Variants in TMOD2 observed in about 807,000 individuals in gnomAD.
TMOD2 encodes the protein tropomodulin 2, also known as tropomodulin-2.
A neutral mutation model predicts 39.9 loss-of-function variants in TMOD2; 22 were observed. The observed-to-expected ratio is 0.55, with a 90% CI of 0.39 to 0.79. TMOD2 has a LOEUF of 0.79. Ranked by LOEUF, TMOD2 falls within the 30% of genes least tolerant of loss-of-function variation. The probability of loss-of-function intolerance (pLI) is 0.00; values close to 1 mark genes in which losing one functional copy is unlikely to be tolerated. For missense variants in TMOD2, 386 were observed against 413.3 expected, an observed-to-expected ratio of 0.93 and a Z score of 0.57; for synonymous variants, 123 against 146.1, an observed-to-expected ratio of 0.84 and a Z score of 1.14.
At chr15:51,789,089 A>G (rs1014085446) in intron 7 of TMOD2, among the ~76,000 whole-genome samples, 2 of 152,238 alleles carry the variant, frequency 1.3e-5, no homozygotes, top group East Asian at 1.9e-4. Flanking sequence ...GTCAAGACCC[A>G]TCAGTGTGCT....
chr15:51,752,935 G>C (rs2055717088), intron 1 of TMOD2: 1 of 152,170 alleles, frequency 6.6e-6, no homozygotes, highest in Admixed American at 6.5e-5. Context: ...AAAATGATGG[G>C]GTTTGTTTTT....
chr15:51,768,402 C>A lies in TMOD2; in HGVS notation c.267C>A (p.Phe89Leu), dbSNP rs1467522960. Residue 89 changes from phenylalanine (F) to leucine (L), a missense_variant, in exon 3 of 10, where the codon TTC becomes TTA. Phe to Leu is a conservative substitution (Grantham distance 22, BLOSUM62 0). Transcript: ENST00000249700. ...EQKDREDFVP[F>L]TGEKKGRVFI... ...AAGACAGAGAGGACTTTGTGCCCTT[C>A]ACTGGAGAAAAGAAAGGTAAGGACC... The A allele has an allele frequency of 5.0e-6, 8 of 1,613,510 alleles. No individual in the cohort carries two copies. The South Asian group carries it at 8.8e-5, about 18-fold the overall frequency.
At chr15:51,803,933 A>C (rs932715322) in intron 8 of TMOD2, among the ~76,000 whole-genome samples, 2 of 152,274 alleles carry the variant, frequency 1.3e-5, no homozygotes, top group African/African-American at 4.8e-5. Context: ...ATTTTCACCA[A>C]CTGTATAGAC....
At chr15:51,773,092 C>T (rs761819248) in intron 3 of TMOD2, among the ~76,000 whole-genome samples, 6 of 152,166 alleles carry the variant, frequency 3.9e-5, no homozygotes, top group Non-Finnish European at 7.4e-5. Flanking sequence ...CCCAAGCCCA[C>T]ATATCCAAGC....
chr15:51,792,096 A>C (rs1262788800), intron 7 of TMOD2, among the ~76,000 whole-genome samples: 3 of 152,174 alleles, frequency 2.0e-5, no homozygotes, highest in Admixed American at 6.5e-5. Context: ...GGGAGAAAAA[A>C]ATTTGCAATC....
At chr15:51,807,221 A>G (rs2056126917) in intron 9 of TMOD2, among the ~76,000 whole-genome samples, 1 of 152,216 alleles carries the variant, frequency 6.6e-6, no homozygotes, top group African/African-American at 2.4e-5. Context: ...GCAGGCTTCA[A>G]TCCCCAGTTT....
At chr15:51,751,934 G>A (rs978269821) in intron 1 of TMOD2, among the ~76,000 whole-genome samples, 2 of 150,410 alleles carry the variant, frequency 1.3e-5, no homozygotes, top group African/African-American at 4.9e-5. Flanking sequence ...CCGGGCGGGA[G>A]GCGCCCGCCG....
At position 51,808,815 on chromosome 15, in the gene TMOD2, A is replaced by G. The variant is rs1422283448; in HGVS notation, c.*361A>G. 1 of 184,508 alleles carries G rather than the reference A, an allele frequency of 5.4e-6. No homozygotes were observed. The highest frequency in any genetic ancestry group is 2.4e-5 in the African/African-American group (1 of 42,364). The allele number at this position is 184,508 out of a possible 1,614,324, so 11.4% of individuals were successfully genotyped here. A position where few individuals can be genotyped will look rare whatever the true frequency, so the allele number is the denominator to read the frequency against. ...ATTTAGTGTATAATATGTGTTTGTAACTGTGATTATGATAGAGGCCTATCT... is the reference window on the plus strand; with the variant it reads ...ATTTAGTGTATAATATGTGTTTGTAGCTGTGATTATGATAGAGGCCTATCT... On this transcript the variant is annotated 3_prime_UTR_variant, in exon 10 of 10. Coordinates refer to ENST00000249700, the MANE Select transcript of TMOD2 (RefSeq NM_014548.4).
intron 8 of TMOD2, among the ~76,000 whole-genome samples, chr15:51,803,981 G>A (rs2056106040): frequency 6.6e-6 from 1 of 152,192 alleles, no homozygotes; most frequent in Non-Finnish European, 1.5e-5. Flanking sequence ...ATTTGGCTAG[G>A]GTAGGGAAAG....
In TMOD2 at chr15:51,789,507, G is replaced by A. The variant is rs537872781; in HGVS notation, c.732+6679G>A. 4.6e-5 allele frequency among the ~76,000 whole-genome samples: 7 copies of A among 152,240 alleles called. No homozygotes were observed. The East Asian group carries it at 1.3e-3, about 29-fold the overall frequency. On this transcript the variant is annotated intron_variant, in intron 7 of 9. Coordinates refer to ENST00000249700, the MANE Select transcript of TMOD2 (RefSeq NM_014548.4). The stretch of plus-strand genomic sequence containing the variant: ...CTTGAACTCAGCTCTGGACCAAGTG[G>A]ACCTAATAGACATCTGCAGAACTCT...
intron 5 of TMOD2, among the ~76,000 whole-genome samples, chr15:51,779,553 T>A (rs1595869446): frequency 6.6e-6 from 1 of 152,020 alleles, no homozygotes; most frequent in South Asian, 2.1e-4. Flanking sequence ...GCTAATTTTT[T>A]TGTGTGTTTT....
chr15:51,798,441 A>G (rs2056066996), intron 8 of TMOD2, 101 bp downstream of exon 8: 1 of 1,372,414 alleles, frequency 7.3e-7, no homozygotes, highest in African/African-American at 1.5e-5. Context: ...TCTGTGTGTG[A>G]CTCAATTTGA....
chr15:51,768,688 A>T (rs968522029), intron 3 of TMOD2, among the ~76,000 whole-genome samples: 4 of 152,160 alleles, frequency 2.6e-5, no homozygotes, highest in Admixed American at 6.5e-5. Context: ...TGGAGGGTCA[A>T]GCAAGGGAAC....
chr15:51,807,560 A>G (rs1353887084), intron 9 of TMOD2, among the ~76,000 whole-genome samples: 3 of 152,116 alleles, frequency 2.0e-5, no homozygotes, highest in Non-Finnish European at 4.4e-5. Context: ...ATCAGAAGGC[A>G]CCTAGGAAAA....
At chr15:51,801,229 T>A (rs1305238959) in intron 8 of TMOD2, among the ~76,000 whole-genome samples, 83 of 98,538 alleles carry the variant, frequency 8.4e-4, no homozygotes, top group South Asian at 3.3e-3. Flanking sequence ...TCTCTCTCTC[T>A]CTCTCTCTCA....
At chr15:51,797,570 T>C (rs1407244103) in intron 7 of TMOD2, among the ~76,000 whole-genome samples, 11 of 152,208 alleles carry the variant, frequency 7.2e-5, no homozygotes, top group Admixed American at 7.2e-4. Flanking sequence ...CTCTTAAAAA[T>C]TATATTATTT....
chr15:51,806,623 T>C lies in TMOD2; in HGVS notation c.1021+102T>C, dbSNP rs146683626. 1.5e-5 allele frequency: 20 copies of C among 1,343,692 alleles called. No individual in the cohort carries two copies. In the African/African-American group the frequency reaches 1.7e-4, roughly 12 times the overall value. The allele number at this position is 1,343,692 out of a possible 1,614,324, so 83.2% of individuals were successfully genotyped here. ...TCACAGATACCATTCCACTGGCCTC[T>C]GATGTCACTCACTTCTTCATATAAG... is the stretch of plus-strand genomic sequence containing the variant. On this transcript the variant is annotated intron_variant, in intron 9 of 9. Coordinates refer to ENST00000249700, the MANE Select transcript of TMOD2 (RefSeq NM_014548.4).
chr15:51,770,521 GC>G (rs1652623505), intron 3 of TMOD2, among the ~76,000 whole-genome samples: 3 of 152,180 alleles, frequency 2.0e-5, no homozygotes, highest in African/African-American at 7.2e-5. Flanking sequence ...AGCAGTAGGA[GC>G]AGGAGCATCC....
In TMOD2 at chr15:51,809,723, A is replaced by C. The variant is rs1348506851; in HGVS notation, c.*1269A>C. On this transcript the variant is annotated 3_prime_UTR_variant, in exon 10 of 10. Transcript: ENST00000249700. Reference sequence around the variant, plus strand: ...CACTGCCCAAGGCAACTCACCCTCTATTCCTCCTTTCTCCCCTCCCTTTCT... The same window carrying C: ...CACTGCCCAAGGCAACTCACCCTCTCTTCCTCCTTTCTCCCCTCCCTTTCT... 1.3e-5 allele frequency: 2 copies of C among 152,128 alleles called. No homozygotes were observed. The highest frequency in any genetic ancestry group is 2.4e-5 in the African/African-American group (1 of 41,532). The allele number at this position is 152,128 out of a possible 1,614,324, so 9.4% of individuals were successfully genotyped here.
Sources: allele counts gnomAD v4.1 joint callset (sites outside exome capture counted in the v4.1 genomes callset), GRCh38; gene constraint gnomAD v4.1.1; transcripts MANE v1.5; gene names NCBI Gene and HGNC (gene_info 2026-07-23, HGNC 2026-07-21).